The following CNTN4 variants were observed in gnomAD, a reference collection of about 807,000 sequenced individuals.
CNTN4 encodes contactin-4.
In CNTN4, 77 loss-of-function variants were observed where a neutral mutation model predicts 122.5. That is an observed-to-expected ratio of 0.63 (90% CI 0.52 to 0.76). CNTN4 has a LOEUF of 0.76. Ranked by LOEUF, CNTN4 falls within the 30% of genes least tolerant of loss-of-function variation. The pLI, the probability that CNTN4 is intolerant of heterozygous loss-of-function variation, is 0.00. For missense variants in CNTN4, 1,256 were observed against 1,259.1 expected (o/e 1.00, Z 0.04); for synonymous variants, 512 against 447.0 (o/e 1.15, Z -1.83).
At chr3:2,696,641 G>A (rs772023752) in intron 4 of CNTN4, among the ~76,000 whole-genome samples, 4 of 152,108 alleles carry the variant, frequency 2.6e-5, no homozygotes, top group Non-Finnish European at 5.9e-5. Context: ...CCCAGTCTTA[G>A]GTCTTATTTA....
chr3:2,245,001 A>G (rs1183014532), intron 2 of CNTN4, among the ~76,000 whole-genome samples: 2 of 152,084 alleles, frequency 1.3e-5, no homozygotes, highest in Admixed American at 1.3e-4. Context: ...TTAATTAAAA[A>G]TCATTCTAAC....
At chr3:2,309,089 T>G (rs2150126670) in intron 2 of CNTN4, among the ~76,000 whole-genome samples, 1 of 152,282 alleles carries the variant, frequency 6.6e-6, no homozygotes, top group South Asian at 2.1e-4. Context: ...TTGAATTTTC[T>G]ATTTCTTCTT....
chr3:2,150,662 C>T (rs1376762202), intron 2 of CNTN4, among the ~76,000 whole-genome samples: 1 of 152,146 alleles, frequency 6.6e-6, no homozygotes, highest in Non-Finnish European at 1.5e-5. Context: ...GGAAATTAGT[C>T]AACCTAAAAT....
At chr3:2,455,017 A>C (rs1355904577) in intron 3 of CNTN4, among the ~76,000 whole-genome samples, 1 of 151,862 alleles carries the variant, frequency 6.6e-6, no homozygotes, top group Non-Finnish European at 1.5e-5. Context: ...AATACCAGGC[A>C]TACTTCATCT....
chr3:2,988,263 A>G, intron 13 of CNTN4, 82 bp from the exon 14 acceptor site: 1 of 1,305,030 alleles, frequency 7.7e-7, no homozygotes, highest in Admixed American at 1.7e-5. Flanking sequence ...TGGTTTGAAC[A>G]ATGACAGAAT....
intron 2 of CNTN4, among the ~76,000 whole-genome samples, chr3:2,165,752 T>A (rs1305025597): frequency 6.6e-6 from 1 of 152,004 alleles, no homozygotes; most frequent in African/African-American, 2.4e-5. Flanking sequence ...GTTCAACTCT[T>A]TTGGATTCCA....
At position 2,420,505 on chromosome 3, in the gene CNTN4, G is replaced by A. The variant is rs558712205; in HGVS notation, c.-89+81272G>A. ...GGCTGGAGTCCAGTGGCACAATCTCGGGTCACTGCAACCTCTGCCTCCCAG... is the reference window on the plus strand; with the variant it reads ...GGCTGGAGTCCAGTGGCACAATCTCAGGTCACTGCAACCTCTGCCTCCCAG... On this transcript the variant is annotated intron_variant, in intron 3 of 24. Transcript: ENST00000418658. Among the ~76,000 whole-genome samples, 8 of 151,746 alleles carry A rather than the reference G, an allele frequency of 5.3e-5. No homozygotes were observed. In the East Asian group the frequency reaches 1.2e-3, roughly 22 times the overall value.
chr3:2,496,326 A>G (rs1230646940), intron 3 of CNTN4, among the ~76,000 whole-genome samples: 1 of 152,132 alleles, frequency 6.6e-6, no homozygotes, highest in East Asian at 1.9e-4. Context: ...ACATTTTTAG[A>G]TATGTCAGGA....
At chr3:2,971,060 T>G (rs7631449) in intron 13 of CNTN4, among the ~76,000 whole-genome samples, 27,239 of 152,222 alleles carry the variant, frequency 0.18, 3,136 homozygotes, top group African/African-American at 0.33. Context: ...GTGCTGGGAT[T>G]ACAGGCCTGA....
intron 7 of CNTN4, among the ~76,000 whole-genome samples, chr3:2,829,327 C>T (rs1300741652): frequency 6.6e-6 from 1 of 152,160 alleles, no homozygotes; most frequent in African/African-American, 2.4e-5. Context: ...TTGTGATAAA[C>T]TATCTGACCC....
At chr3:2,959,507 A>C (rs1292116142) in intron 13 of CNTN4, among the ~76,000 whole-genome samples, 1 of 152,140 alleles carries the variant, frequency 6.6e-6, no homozygotes, top group East Asian at 1.9e-4. Flanking sequence ...GTGAAAAAAA[A>C]TCATTGAGGA....
At chr3:2,106,532 C>G (rs1036446627) in intron 2 of CNTN4, among the ~76,000 whole-genome samples, 6 of 152,246 alleles carry the variant, frequency 3.9e-5, no homozygotes, top group Non-Finnish European at 7.3e-5. Context: ...ACAGCTTGAG[C>G]TATACCTTGG....
At position 2,745,509 on chromosome 3, in the gene CNTN4, T is replaced by C; in HGVS notation, c.183-13T>C. ...ATGACAAGACTTTATCTACTGGCAT[T>C]TTTATACTATAGGTGGAAGTTAAAT... is the stretch of plus-strand genomic sequence containing the variant. On this transcript the variant is annotated splice_polypyrimidine_tract_variant and intron_variant, in intron 5 of 24. Transcript: ENST00000418658. 1 of 1,610,310 alleles carries C rather than the reference T, an allele frequency of 6.2e-7. No individual in the cohort carries two copies. The highest frequency in any genetic ancestry group is 1.1e-5 in the South Asian group (1 of 91,024).
At chr3:2,468,725 T>C (rs6802636) in intron 3 of CNTN4, among the ~76,000 whole-genome samples, 40,995 of 152,010 alleles carry the variant, frequency 0.27, 5,556 homozygotes, top group Middle Eastern at 0.34. Context: ...TTCTTCTCTA[T>C]GCTTCTAAGT....
At chr3:2,606,095 G>A (rs2149785952) in intron 4 of CNTN4, among the ~76,000 whole-genome samples, 1 of 152,222 alleles carries the variant, frequency 6.6e-6, no homozygotes, top group South Asian at 2.1e-4. Flanking sequence ...TAAGGCTTGG[G>A]TAATAGGGGA....
chr3:2,716,844 A>G (rs962988340), intron 4 of CNTN4, among the ~76,000 whole-genome samples: 1 of 152,094 alleles, frequency 6.6e-6, no homozygotes, highest in African/African-American at 2.4e-5. Flanking sequence ...GTATTTGCCT[A>G]TTCTGGACAT....
intron 4 of CNTN4, among the ~76,000 whole-genome samples, chr3:2,630,426 G>A (rs2082379148): frequency 6.6e-6 from 1 of 152,138 alleles, no homozygotes; most frequent in Non-Finnish European, 1.5e-5. Context: ...GCGACAGATT[G>A]AGACCCTGTC....
intron 3 of CNTN4, among the ~76,000 whole-genome samples, chr3:2,454,999 A>C (rs1312625367): frequency 6.6e-6 from 1 of 152,140 alleles, no homozygotes; most frequent in Non-Finnish European, 1.5e-5. Context: ...GGAGCAGCCA[A>C]ATCACTAAAT....
At chr3:2,368,138 T>C (rs1012615823) in intron 3 of CNTN4, among the ~76,000 whole-genome samples, 6 of 150,284 alleles carry the variant, frequency 4.0e-5, no homozygotes, top group Admixed American at 4.0e-4. Flanking sequence ...GTTCATGCCA[T>C]TCTCCTGCCT....
Sources: allele counts gnomAD v4.1 joint callset (sites outside exome capture counted in the v4.1 genomes callset), GRCh38; gene constraint gnomAD v4.1.1; transcripts MANE v1.5; gene names NCBI Gene and HGNC (gene_info 2026-07-23, HGNC 2026-07-21).